MCTP1: variants seen among roughly 807,000 people sequenced by gnomAD.
The protein encoded by MCTP1 is multiple C2 and transmembrane domain-containing protein 1.
In MCTP1, 69 loss-of-function variants were observed where a neutral mutation model predicts 120.6. That is an observed-to-expected ratio of 0.57 (90% confidence interval 0.47 to 0.70). The LOEUF is 0.70. MCTP1 is among the 30% of genes least tolerant of loss of function. The pLI is 0.00. For missense variants in MCTP1, 1,203 were observed against 1,248.8 expected, an observed-to-expected ratio of 0.96 and a Z score of 0.55; for synonymous variants, 529 against 493.1, an observed-to-expected ratio of 1.07 and a Z score of -0.96.
At chr5:94,747,540 G>T (rs1767200806) in intron 19 of MCTP1, among the ~76,000 whole-genome samples, 1 of 152,172 alleles carries the variant, frequency 6.6e-6, no homozygotes, top group Admixed American at 6.5e-5. Context: ...GCCGTAGATA[G>T]TAAGAAAACA....
intron 2 of MCTP1, among the ~76,000 whole-genome samples, chr5:94,995,131 C>T (rs746825571): frequency 7.9e-5 from 12 of 152,306 alleles, no homozygotes; most frequent in South Asian, 2.1e-4. Context: ...TACATCTATC[C>T]TATTAGTTCT....
intron 1 of MCTP1, among the ~76,000 whole-genome samples, chr5:95,172,294 G>A (rs930415200): frequency 5.3e-5 from 8 of 152,202 alleles, no homozygotes; most frequent in African/African-American, 1.2e-4. Context: ...GTACCTGGCC[G>A]TGTGAGGTGT....
chr5:95,207,163 C>T (rs1354830592), intron 1 of MCTP1, among the ~76,000 whole-genome samples: 1 of 152,016 alleles, frequency 6.6e-6, no homozygotes, highest in Non-Finnish European at 1.5e-5. Context: ...AAAGAAGAGA[C>T]TATGAGTTAT....
chr5:95,052,687 G>A (rs1215023062), intron 1 of MCTP1, among the ~76,000 whole-genome samples: 1 of 152,192 alleles, frequency 6.6e-6, no homozygotes, highest in Non-Finnish European at 1.5e-5. Flanking sequence ...CTGGTTGGTA[G>A]GAGGTGGTAT....
At position 94,992,151 on chromosome 5, in the gene MCTP1, G is replaced by A. The variant is rs187836058; in HGVS notation, c.838+25216C>T. Among the ~76,000 whole-genome samples, 201 of 152,220 alleles carry A rather than the reference G, an allele frequency of 1.3e-3. 6 individuals are homozygous for A. The highest frequency in any genetic ancestry group is 0.01 in the Admixed American group (157 of 15,282). On this transcript the variant is annotated intron_variant, in intron 2 of 22. Coordinates refer to ENST00000515393, the MANE Select transcript of MCTP1 (RefSeq NM_024717.7). ...TTAAAAGACAAAACTACAATGCCGC[G>A]TGCCAGAGCCCATTGGAATATATAA...
Position 95,283,902 on chromosome 5 carries a change from G to A in MCTP1, c.674C>T (p.Ala225Val), listed in dbSNP as rs1760534678. 7.2e-7 allele frequency: 1 copy of A among 1,391,076 alleles called. No homozygotes were observed. Among genetic ancestry groups the A allele is most frequent in the Non-Finnish European group, 9.2e-7 (1 of 1,081,650 alleles). 86.2% of individuals were successfully genotyped at this position (1,391,076 alleles called of 1,614,324 possible). Reference protein sequence around the residue: ...PPPAEPARSPAESRAPETGEE... With the variant: ...PPPAEPARSPVESRAPETGEE... ...GCCCGTCTCCGGGGCCCGAGACTCCGCGGGACTCCGCGCCGGCTCTGCGGG... is the reference window on the plus strand; with the variant it reads ...GCCCGTCTCCGGGGCCCGAGACTCCACGGGACTCCGCGCCGGCTCTGCGGG... Residue 225 changes from alanine to valine, a missense_variant, in exon 1 of 23, where the codon GCG becomes GTG. By Grantham distance (64) the Ala-to-Val change is moderately conservative. Coordinates refer to ENST00000515393, the MANE Select transcript of MCTP1 (RefSeq NM_024717.7).
At chr5:95,250,248 T>C (rs1275663044) in intron 1 of MCTP1, among the ~76,000 whole-genome samples, 3 of 152,138 alleles carry the variant, frequency 2.0e-5, no homozygotes, top group African/African-American at 4.8e-5. Context: ...TAAGCTCAAG[T>C]TTTCTGTGTG....
At chr5:95,195,026 G>A (rs1414043252) in intron 1 of MCTP1, among the ~76,000 whole-genome samples, 1 of 152,192 alleles carries the variant, frequency 6.6e-6, no homozygotes, top group Admixed American at 6.5e-5. Flanking sequence ...ACCACCAGGA[G>A]GAATACTGTG....
chr5:94,761,097 C>T (rs1469518342), intron 19 of MCTP1, among the ~76,000 whole-genome samples: 1 of 152,206 alleles, frequency 6.6e-6, no homozygotes, highest in Non-Finnish European at 1.5e-5. Flanking sequence ...ATTGCATTTT[C>T]AAAATGCAGA....
intron 1 of MCTP1, among the ~76,000 whole-genome samples, chr5:95,044,532 G>A (rs1842850430): frequency 6.6e-6 from 1 of 152,130 alleles, no homozygotes; most frequent in Non-Finnish European, 1.5e-5. Flanking sequence ...GGTCTGGGAT[G>A]CTTCTCTCTG....
chr5:95,230,255 C>T (rs930157475), intron 1 of MCTP1, among the ~76,000 whole-genome samples: 2 of 148,438 alleles, frequency 1.3e-5, no homozygotes, highest in East Asian at 2.0e-4. Context: ...TATACACACA[C>T]GCACACAAAA....
Position 95,061,498 on chromosome 5 carries a change from G to C in MCTP1, c.721-44014C>G, listed in dbSNP as rs560831417. Reference sequence around the variant, plus strand: ...TCTCCCAGGCTGGAGTGCAGTGGCGGGATCTCGGCTCACTGCAAGCTCCGC... The same window carrying C: ...TCTCCCAGGCTGGAGTGCAGTGGCGCGATCTCGGCTCACTGCAAGCTCCGC... On this transcript the variant is annotated intron_variant, in intron 1 of 22. Coordinates refer to ENST00000515393, the MANE Select transcript of MCTP1 (RefSeq NM_024717.7). 4.6e-3 allele frequency among the ~76,000 whole-genome samples: 565 copies of C among 123,092 alleles called. 6 individuals carry two copies. The highest frequency in any genetic ancestry group is 0.016 in the African/African-American group (525 of 32,194). The allele number at this position is 123,092 out of a possible 152,430, so 80.8% of individuals were successfully genotyped here.
At chr5:95,221,335 T>C (rs1240435694) in intron 1 of MCTP1, among the ~76,000 whole-genome samples, 1 of 152,228 alleles carries the variant, frequency 6.6e-6, no homozygotes, top group Non-Finnish European at 1.5e-5. Context: ...GTAAACCTGT[T>C]TCATCCTAAG....
chr5:95,155,857 A>C (rs1044419789), intron 1 of MCTP1, among the ~76,000 whole-genome samples: 1 of 152,208 alleles, frequency 6.6e-6, no homozygotes, highest in African/African-American at 2.4e-5. Flanking sequence ...GTTAGGTTCT[A>C]CTGAATGACA....
chr5:94,924,158 A>C, intron 6 of MCTP1, 137 bp from the exon 7 acceptor site: 1 of 459,178 alleles, frequency 2.2e-6, no homozygotes, highest in Non-Finnish European at 3.7e-6. Context: ...ATATTTAGAA[A>C]CTGTAAGTTT....
chr5:94,883,092 C>T (rs1306788601), intron 12 of MCTP1, among the ~76,000 whole-genome samples: 1 of 152,132 alleles, frequency 6.6e-6, no homozygotes, highest in Non-Finnish European at 1.5e-5. Flanking sequence ...GATGTGGTGA[C>T]ATAAAAGAAG....
chr5:95,032,615 T>C (rs974644381), intron 1 of MCTP1, among the ~76,000 whole-genome samples: 1 of 152,002 alleles, frequency 6.6e-6, no homozygotes, highest in Non-Finnish European at 1.5e-5. Context: ...TTTGTAGTAA[T>C]AAATGCCTAC....
At chr5:94,759,972 G>GTTTTTTTT (rs369341021) in intron 19 of MCTP1, among the ~76,000 whole-genome samples, 1 of 115,444 alleles carries the variant, frequency 8.7e-6, no homozygotes, top group Non-Finnish European at 1.7e-5. Flanking sequence ...ACTGTTGAGG[G>GTTTTTTTT]TTTTTTTTTT....
intron 17 of MCTP1, among the ~76,000 whole-genome samples, chr5:94,834,300 T>C (rs747155048): frequency 6.6e-6 from 1 of 152,178 alleles, no homozygotes; most frequent in Non-Finnish European, 1.5e-5. Flanking sequence ...TTAACCACTT[T>C]TGGTGGGGAA....
Sources: allele counts gnomAD v4.1 joint callset (sites outside exome capture counted in the v4.1 genomes callset), GRCh38; gene constraint gnomAD v4.1.1; transcripts MANE v1.5; gene names NCBI Gene and HGNC (gene_info 2026-07-23, HGNC 2026-07-21).